Variants in MYH14 observed in about 807,000 individuals in gnomAD.
The protein encoded by MYH14 is myosin heavy chain 14.
A neutral mutation model predicts 255.5 loss-of-function variants in MYH14; 123 were observed. That is an observed-to-expected ratio of 0.48 (90% confidence interval 0.42 to 0.56). MYH14 has a LOEUF of 0.56. Among genes scored for constraint, MYH14 ranks in the 20% least tolerant of loss-of-function variants. The probability of loss-of-function intolerance (pLI) is 0.00; values close to 1 mark genes in which losing one functional copy is unlikely to be tolerated. For missense variants in MYH14, 2,423 were observed against 2,802.3 expected (o/e 0.86, Z 3.06); for synonymous variants, 1,095 against 1,161.2 (o/e 0.94, Z 1.16).
intron 33 of MYH14, among the ~76,000 whole-genome samples, chr19:50,282,558 C>A (rs2035759728): frequency 6.6e-6 from 1 of 152,166 alleles, no homozygotes; most frequent in Non-Finnish European, 1.5e-5. Flanking sequence ...AAAAAATTAG[C>A]TGGGCATGGC....
In MYH14 at chr19:50,225,650, A is replaced by G. The variant is rs780708408; in HGVS notation, c.783A>G (p.Thr261=). 1.1e-5 allele frequency: 17 copies of G among 1,613,962 alleles called. No individual in the cohort carries two copies. Among genetic ancestry groups the G allele is most frequent in the Non-Finnish European group, 1.2e-5 (14 of 1,179,940 alleles). The change falls in exon 7 of 43, where the codon ACA becomes ACG. Residue 261 remains threonine (T), a synonymous_variant. Transcript: ENST00000642316. ...PILEAFGNAK[T]VKNDNSSRFG... ...TAGAGGCCTTTGGCAATGCCAAGAC[A>G]GTGAAGAATGACAACTCCTCCCGAT...
At chr19:50,245,073 T>TATTATAAA (rs1233844613) in intron 11 of MYH14, among the ~76,000 whole-genome samples, 1 of 152,150 alleles carries the variant, frequency 6.6e-6, no homozygotes, top group Non-Finnish European at 1.5e-5. Flanking sequence ...GTCTCTTTAT[T>TATTATAAA]ATTATAAAAT....
In MYH14 at chr19:50,232,083, C is replaced by G. The variant is rs11666328; in HGVS notation, c.1114+13C>G. The G allele has an allele frequency of 1.2e-6, 2 of 1,609,346 alleles. No individual in the cohort carries two copies. The highest frequency in any genetic ancestry group is 1.7e-6 in the Non-Finnish European group (2 of 1,179,672). Reference sequence around the variant, plus strand: ...GAGGAAATCATCTGTGAGTGAGCCCCGTGGAGGCCAGGGGTAGGGGGGAAC... The same window carrying G: ...GAGGAAATCATCTGTGAGTGAGCCCGGTGGAGGCCAGGGGTAGGGGGGAAC... On this transcript the variant is annotated intron_variant, in intron 10 of 42. Transcript: ENST00000642316.
rs2034000617 is a variant in MYH14 at position 50,244,173 on chromosome 19, T to G, written c.1115-69T>G. Reference sequence around the variant, plus strand: ...GCCTTAAGCTTTTTAAGTTACATGTTTAAGGGGCCAGTTAAGACCACACAT... The same window carrying G: ...GCCTTAAGCTTTTTAAGTTACATGTGTAAGGGGCCAGTTAAGACCACACAT... On this transcript the variant is annotated intron_variant, in intron 10 of 42. Coordinates refer to ENST00000642316, the MANE Select transcript of MYH14 (RefSeq NM_001145809.2). 3 of 1,395,742 alleles carry G rather than the reference T, an allele frequency of 2.1e-6. No individual in the cohort carries two copies. In the Admixed American group the frequency reaches 5.2e-5, roughly 24 times the overall value. The allele number at this position is 1,395,742 out of a possible 1,614,324, so 86.5% of individuals were successfully genotyped here.
intron 8 of MYH14, among the ~76,000 whole-genome samples, chr19:50,227,894 C>T (rs951218335): frequency 2.6e-5 from 4 of 152,268 alleles, no homozygotes; most frequent in South Asian, 2.1e-4. Context: ...ATAGAACCTA[C>T]CCAAGAGGGG....
At position 50,293,752 on chromosome 19, in the gene MYH14, C is replaced by G; in HGVS notation, c.5469+65C>G. On this transcript the variant is annotated intron_variant, in intron 39 of 42. Transcript: ENST00000642316. The surrounding 1 kb of genome is among the most constrained non-coding windows in gnomAD (Gnocchi z 4.1). ...TTGACCTGGGACCGTAACCTTCAGTCCTCTTATTCAACAAATATAGAAAGG... is the reference window on the plus strand; with the variant it reads ...TTGACCTGGGACCGTAACCTTCAGTGCTCTTATTCAACAAATATAGAAAGG... The G allele has an allele frequency of 6.8e-7, 1 of 1,471,838 alleles. No homozygotes were observed. The highest frequency in any genetic ancestry group is 9.1e-7 in the Non-Finnish European group (1 of 1,102,362). 91.2% of individuals were successfully genotyped at this position (1,471,838 alleles called of 1,614,324 possible). A position where few individuals can be genotyped will look rare whatever the true frequency, so the allele number is the denominator to read the frequency against.
At chr19:50,239,107 C>T (rs528807728) in intron 10 of MYH14, among the ~76,000 whole-genome samples, 3 of 152,300 alleles carry the variant, frequency 2.0e-5, no homozygotes, top group South Asian at 2.1e-4. Context: ...GCAACCTCCG[C>T]CCCCCAGATT....
At chr19:50,227,694 T>C (rs997400217) in intron 8 of MYH14, among the ~76,000 whole-genome samples, 2 of 152,078 alleles carry the variant, frequency 1.3e-5, no homozygotes, top group Non-Finnish European at 2.9e-5. Flanking sequence ...AGATGGCATA[T>C]GGGCGTTTAA....
rs1352839280 is a variant in MYH14, at chr19:50,293,794, T to C, written c.5469+107T>C. 3 of 1,297,030 alleles carry C rather than the reference T, an allele frequency of 2.3e-6. No homozygotes were observed. Among genetic ancestry groups the C allele is most frequent in the East Asian group, 4.9e-5 (2 of 41,006 alleles). 80.3% of individuals were successfully genotyped at this position (1,297,030 alleles called of 1,614,324 possible). A position where few individuals can be genotyped will look rare whatever the true frequency, so the allele number is the denominator to read the frequency against. On this transcript the variant is annotated intron_variant, in intron 39 of 42. Transcript: ENST00000642316. The surrounding 1 kb of genome is among the most constrained non-coding windows in gnomAD (Gnocchi z 4.1). The stretch of plus-strand genomic sequence containing the variant: ...ATAGAAAGGGGATATTTGAGTTGGG[T>C]TTTGAAGGTTGAATAGGAGTTCTTA...
chr19:50,286,159 C>T (rs2035881131), intron 33 of MYH14: 1 of 204,134 alleles, frequency 4.9e-6, no homozygotes, highest in Non-Finnish European at 9.9e-6. Flanking sequence ...ATTACTGTGT[C>T]TTAAAAAAAA....
chr19:50,269,706 G>A (rs1246325368), intron 24 of MYH14, among the ~76,000 whole-genome samples: 1 of 152,174 alleles, frequency 6.6e-6, no homozygotes, highest in Admixed American at 6.5e-5. Flanking sequence ...TGACCCCTGG[G>A]TGCCGTGGGA....
chr19:50,236,526 G>A (rs893723181), intron 10 of MYH14, among the ~76,000 whole-genome samples: 6 of 151,680 alleles, frequency 4.0e-5, no homozygotes, highest in African/African-American at 1.5e-4. Context: ...TGACCAACAT[G>A]GTGAAACCCT....
Position 50,260,686 on chromosome 19 carries a change from A to C in MYH14, c.2395A>C (p.Met799Leu). 1 of 1,612,964 alleles carries C rather than the reference A, an allele frequency of 6.2e-7. No individual in the cohort carries two copies. Among genetic ancestry groups the C allele is most frequent in the Non-Finnish European group, 8.5e-7 (1 of 1,179,606 alleles). ...LTPNAIPKGF[M>L]DGKQACEKMI... is the part of the protein sequence containing the mutation. ...ACCCAATGCCATCCCCAAGGGCTTC[A>C]TGGATGGGAAGCAGGCCTGTGAAAA... Residue 799 changes from methionine to leucine, a missense_variant, in exon 20 of 43, where the codon ATG (methionine) becomes CTG (leucine). By Grantham distance (15) the Met-to-Leu change is conservative (BLOSUM62 2). Coordinates refer to ENST00000642316, the MANE Select transcript of MYH14 (RefSeq NM_001145809.2).
rs1345836405 is a variant in MYH14 at position 50,297,488 on chromosome 19, C to CTTT, written c.5469+3801_5469+3802insTTT. Among the ~76,000 whole-genome samples the CTTT allele has an allele frequency of 7.2e-5, 5 of 69,398 alleles. No individual in the cohort carries two copies. In the South Asian group the frequency reaches 3.9e-3, roughly 54 times the overall value. 45.5% of individuals were successfully genotyped at this position (69,398 alleles called of 152,430 possible). A position where few individuals can be genotyped will look rare whatever the true frequency, so the allele number is the denominator to read the frequency against. On this transcript the variant is annotated intron_variant, in intron 39 of 42. Transcript: ENST00000642316. ...CCATCTTTGTGGCTCTGTCTCATCT[C>CTTT]CTCTTTTTTTTTTTTTTTTTTTTTT...
At chr19:50,222,246 C>T (rs1283321106) in intron 3 of MYH14, among the ~76,000 whole-genome samples, 3 of 152,064 alleles carry the variant, frequency 2.0e-5, no homozygotes, top group South Asian at 4.2e-4. Context: ...TTTGGGAGGC[C>T]GAGGCCGGTG....
At chr19:50,267,088 C>A in intron 23 of MYH14, 80 bp downstream of exon 23, 3 of 1,333,272 alleles carry the variant, frequency 2.3e-6, no homozygotes, top group Non-Finnish European at 3.1e-6. Flanking sequence ...GTGTGAGGGG[C>A]GGGGCTTCCG....
chr19:50,308,857 G>T, intron 41 of MYH14, 148 bp from the exon 42 acceptor site: 1 of 787,316 alleles, frequency 1.3e-6, no homozygotes. Context: ...AGGGATTTAG[G>T]AGAAAAGAAC....
At chr19:50,260,818 T>C (rs891228162) in intron 20 of MYH14, 103 bp downstream of exon 20, 4 of 801,214 alleles carry the variant, frequency 5.0e-6, no homozygotes, top group African/African-American at 5.1e-5. Flanking sequence ...TGCGTGTGTG[T>C]GCAAGTGTGT....
Position 50,252,555 on chromosome 19 carries a change from CAG to C in MYH14, c.1831-81_1831-80del. On this transcript the variant is annotated intron_variant, in intron 15 of 42. Coordinates refer to ENST00000642316, the MANE Select transcript of MYH14 (RefSeq NM_001145809.2). The surrounding 1 kb of genome is among the most constrained non-coding windows in gnomAD (Gnocchi z 4.2). ...TGGTGAGCTCCAGACCTGGGAGTCT[CAG>C]AGCTTCTGGAAGGCTCCTTAGGAAA... 1.1e-6 allele frequency: 1 copy of C among 947,810 alleles called. No individual in the cohort carries two copies. Among genetic ancestry groups the C allele is most frequent in the South Asian group, 1.4e-5 (1 of 71,852 alleles). The allele number at this position is 947,810 out of a possible 1,614,324, so 58.7% of individuals were successfully genotyped here. A position where few individuals can be genotyped will look rare whatever the true frequency, so the allele number is the denominator to read the frequency against.
Sources: gnomAD v4.1 joint callset for allele counts (sites outside exome capture counted in the v4.1 genomes callset) on GRCh38, gnomAD v4.1.1 for gene constraint, Gnocchi (gnomAD v3.1) non-coding constraint, MANE v1.5 for transcripts, NCBI Gene and HGNC (gene_info 2026-07-23, HGNC 2026-07-21) for gene names.